KPNA5: variants seen among roughly 807,000 people sequenced by gnomAD.
KPNA5 encodes the protein karyopherin subunit alpha 5, also known as importin subunit alpha-6.
KPNA5 carries 46 observed loss-of-function variants against 71.3 expected under a neutral mutation model. The ratio of observed to expected loss-of-function variants is 0.65; its 90% CI spans 0.51 to 0.83. The LOEUF (loss-of-function observed/expected upper bound fraction) is 0.83, where lower values mean the gene tolerates loss of function less well. Among genes scored for constraint, KPNA5 ranks in the 40% least tolerant of loss-of-function variants. KPNA5 has a pLI of 0.00. For missense variants in KPNA5, 547 were observed against 628.3 expected, an observed-to-expected ratio of 0.87 and a Z score of 1.38; for synonymous variants, 207 against 201.4, an observed-to-expected ratio of 1.03 and a Z score of -0.24.
chr6:116,689,312 C>T lies in KPNA5; in HGVS notation c.5-8C>T, dbSNP rs761891996. 1.1e-5 allele frequency: 17 copies of T among 1,596,950 alleles called. No homozygotes were observed. Among genetic ancestry groups the T allele is most frequent in the Non-Finnish European group, 1.4e-5 (17 of 1,175,492 alleles). ...TCAGTGTCTGTTTTCTTTTCTCCTTCCTTTAAGATGCCATGGCTAGTCCAG... is the reference window on the plus strand; with the variant it reads ...TCAGTGTCTGTTTTCTTTTCTCCTTTCTTTAAGATGCCATGGCTAGTCCAG... On this transcript the variant is annotated splice_polypyrimidine_tract_variant and splice_region_variant and intron_variant, in intron 1 of 13. Transcript: ENST00000368564.
intron 8 of KPNA5, among the ~76,000 whole-genome samples, chr6:116,719,564 G>A (rs1370716376): frequency 6.6e-6 from 1 of 152,080 alleles, no homozygotes; most frequent in Non-Finnish European, 1.5e-5. Context: ...TACATATCCT[G>A]CAGCTGGGCA....
chr6:116,698,905 C>A, intron 5 of KPNA5, 107 bp downstream of exon 5: 3 of 548,710 alleles, frequency 5.5e-6, no homozygotes, highest in South Asian at 3.2e-5. Context: ...TAAGTGAATA[C>A]TTGGTAATTA....
rs181089745 is a variant in KPNA5, at chr6:116,734,558, G to T, written c.*2235G>T. ...TGATTGCAAAGAGCACTGTATAGCA[G>T]TTGGGACCAGCTCTTGGCTTGGCTT... is the stretch of plus-strand genomic sequence containing the variant. On this transcript the variant is annotated 3_prime_UTR_variant, in exon 14 of 14. Transcript: ENST00000368564. 39 of 151,606 alleles carry T rather than the reference G, an allele frequency of 2.6e-4. 2 individuals carry two copies. The highest frequency in any genetic ancestry group is 9.4e-4 in the African/African-American group (39 of 41,466). 9.4% of individuals were successfully genotyped at this position (151,606 alleles called of 1,614,324 possible). A position where few individuals can be genotyped will look rare whatever the true frequency, so the allele number is the denominator to read the frequency against.
At chr6:116,684,247 G>A (rs2114348120) in intron 1 of KPNA5, among the ~76,000 whole-genome samples, 1 of 152,102 alleles carries the variant, frequency 6.6e-6, no homozygotes, top group East Asian at 1.9e-4. Context: ...CTATTTGTAG[G>A]TGCACATAGT....
In KPNA5 at chr6:116,740,412, C is replaced by T. The variant is rs1298359463; in HGVS notation, c.*8089C>T. 1 of 152,166 alleles carries T rather than the reference C, an allele frequency of 6.6e-6. No homozygotes were observed. The highest frequency in any genetic ancestry group is 1.5e-5 in the Non-Finnish European group (1 of 68,034). 9.4% of individuals were successfully genotyped at this position (152,166 alleles called of 1,614,324 possible). ...CTGTTGGTGGGACTGTAAACTAGTT[C>T]AAGCATTGTGGAAGTCAGTTTGGCG... is the stretch of plus-strand genomic sequence containing the variant. On this transcript the variant is annotated 3_prime_UTR_variant, in exon 14 of 14. Coordinates refer to ENST00000368564, the MANE Select transcript of KPNA5 (RefSeq NM_001366306.2).
intron 12 of KPNA5, among the ~76,000 whole-genome samples, chr6:116,727,917 A>C (rs1779344787): frequency 6.6e-6 from 1 of 152,126 alleles, no homozygotes; most frequent in Admixed American, 6.6e-5. Context: ...AATATTTTCT[A>C]ATGCATATTT....
chr6:116,692,893 A>T (rs145248634), intron 4 of KPNA5, among the ~76,000 whole-genome samples: 2,928 of 151,434 alleles, frequency 0.019, 127 homozygotes, highest in Admixed American at 0.12. Context: ...CCCTCCTCCC[A>T]CCCCACAACA....
intron 9 of KPNA5, among the ~76,000 whole-genome samples, chr6:116,723,825 TATTA>T (rs1403513094): frequency 2.0e-5 from 3 of 152,170 alleles, no homozygotes; most frequent in African/African-American, 7.2e-5. Context: ...TGTTGCAAAA[TATTA>T]ATTATATTAA....
At chr6:116,682,565 A>T (rs1354022476) in intron 1 of KPNA5, among the ~76,000 whole-genome samples, 1 of 152,156 alleles carries the variant, frequency 6.6e-6, no homozygotes, top group Non-Finnish European at 1.5e-5. Context: ...CGCTTTGTGC[A>T]GTCTTTTACT....
intron 11 of KPNA5, among the ~76,000 whole-genome samples, 185 bp downstream of exon 11, chr6:116,726,061 A>AGTGTGTGTGT (rs58131077): frequency 0.026 from 3,955 of 150,596 alleles, 151 homozygotes; most frequent in African/African-American, 0.081. Context: ...AAGAACATCA[A>AGTGTGTGTGT]GTGTGTGTGT....
At position 116,726,486 on chromosome 6, in the gene KPNA5, C is replaced by T. The variant is rs1237669596; in HGVS notation, c.1126-9C>T. 3 of 1,605,238 alleles carry T rather than the reference C, an allele frequency of 1.9e-6. No individual in the cohort carries two copies. The South Asian group carries it at 3.3e-5, about 18-fold the overall frequency. On this transcript the variant is annotated splice_polypyrimidine_tract_variant and intron_variant, in intron 11 of 13. Coordinates refer to ENST00000368564, the MANE Select transcript of KPNA5 (RefSeq NM_001366306.2). ...ATTTGTACTGATTATATATTTTTCC[C>T]CCTCTCAGGCTGTTATAGATGCAAA...
chr6:116,688,110 A>G (rs1343463903), intron 1 of KPNA5, among the ~76,000 whole-genome samples: 3 of 151,900 alleles, frequency 2.0e-5, no homozygotes, highest in Non-Finnish European at 4.4e-5. Flanking sequence ...GATTCTCCCC[A>G]TTTCTCTTTC....
At position 116,725,784 on chromosome 6, in the gene KPNA5, T is replaced by C; in HGVS notation, c.1033T>C (p.Leu345=). 6.2e-7 allele frequency: 1 copy of C among 1,613,152 alleles called. No individual in the cohort carries two copies. Among genetic ancestry groups the C allele is most frequent in the Non-Finnish European group, 8.5e-7 (1 of 1,179,462 alleles). ...GAATTGTTCTGCATTACCCTGTCTC[T>C]TACATTTATTGAGTAGCCCAAAGGA... ...ILNCSALPCL[L]HLLSSPKESI... The change falls in exon 11 of 14, where the codon TTA becomes CTA. Residue 345 remains leucine (L), a synonymous_variant. Coordinates refer to ENST00000368564, the MANE Select transcript of KPNA5 (RefSeq NM_001366306.2).
intron 1 of KPNA5, among the ~76,000 whole-genome samples, chr6:116,688,154 C>T (rs1777666273): frequency 6.6e-6 from 1 of 152,128 alleles, no homozygotes; most frequent in African/African-American, 2.4e-5. Context: ...ACCCATGAAG[C>T]TTTCAGAAGT....
intron 12 of KPNA5, among the ~76,000 whole-genome samples, chr6:116,729,285 G>A (rs1779399614): frequency 6.6e-6 from 1 of 150,638 alleles, no homozygotes; most frequent in Admixed American, 6.7e-5. Flanking sequence ...ATGAAAAACA[G>A]GCCGAAGTAC....
At chr6:116,725,469 A>G (rs1356495052) in intron 10 of KPNA5, among the ~76,000 whole-genome samples, 2 of 152,142 alleles carry the variant, frequency 1.3e-5, no homozygotes, top group African/African-American at 4.8e-5. Flanking sequence ...ATCTTTTTTC[A>G]GTTTTATCAG....
At chr6:116,729,158 CGTGTGTGTGTGTGTGTGT>C (rs150925835) in intron 12 of KPNA5, among the ~76,000 whole-genome samples, 3 of 112,162 alleles carry the variant, frequency 2.7e-5, no homozygotes, top group African/African-American at 1.0e-4. Flanking sequence ...ATATGACCTC[CGTGTGTGTGTGTGTGTGT>C]GTGTGTGTGT....
In KPNA5 at chr6:116,732,200, T is replaced by G; in HGVS notation, c.1497T>G (p.Asp499Glu). ...ENQEIYQKAF[D>E]LIEHYFGVEE... ...AGGAAATTTACCAGAAGGCATTTGA[T>G]CTGATTGAACATTACTTTGGTGTAG... Residue 499 changes from aspartate (D) to glutamate (E), a missense_variant, in exon 14 of 14, where the codon GAT becomes GAG. Transcript: ENST00000368564. 6.3e-7 allele frequency: 1 copy of G among 1,578,512 alleles called. No individual in the cohort carries two copies. The highest frequency in any genetic ancestry group is 8.6e-7 in the Non-Finnish European group (1 of 1,163,866).
intron 5 of KPNA5, 61 bp downstream of exon 5, chr6:116,698,859 G>C: frequency 1.1e-6 from 1 of 932,278 alleles, no homozygotes; most frequent in Non-Finnish European, 1.6e-6. Context: ...AGTTTCTAGT[G>C]AAAGCAACTT....
Sources: gnomAD v4.1 joint callset for allele counts (sites outside exome capture counted in the v4.1 genomes callset) on GRCh38, gnomAD v4.1.1 for gene constraint, MANE v1.5 for transcripts, NCBI Gene and HGNC (gene_info 2026-07-23, HGNC 2026-07-21) for gene names.